Variants in LDB2 observed in about 807,000 individuals in gnomAD.
The protein encoded by LDB2 is LIM domain-binding protein 2.
LDB2 carries 12 observed loss-of-function variants against 44.3 expected under a neutral mutation model. That is an observed-to-expected ratio of 0.27 (90% CI 0.17 to 0.44). The LOEUF is 0.44. Among genes scored for constraint, LDB2 ranks in the 20% least tolerant of loss-of-function variants. The pLI is 1.00. For missense variants in LDB2, 344 were observed against 473.5 expected (o/e 0.73, Z 2.54); for synonymous variants, 164 against 174.8 (o/e 0.94, Z 0.49).
intron 1 of LDB2, among the ~76,000 whole-genome samples, chr4:16,776,448 CT>C (rs1771923991): frequency 6.6e-6 from 1 of 152,212 alleles, no homozygotes; most frequent in African/African-American, 2.4e-5. Flanking sequence ...TAAATTCCAT[CT>C]CTTCCAAAGT....
chr4:16,586,512 AC>A (rs1272251487), intron 4 of LDB2, among the ~76,000 whole-genome samples: 15 of 82,410 alleles, frequency 1.8e-4, no homozygotes, highest in South Asian at 4.2e-4. Flanking sequence ...ACACACACAC[AC>A]ACACACACAC....
intron 2 of LDB2, among the ~76,000 whole-genome samples, chr4:16,622,473 T>G (rs1383525859): frequency 6.6e-6 from 1 of 152,182 alleles, no homozygotes; most frequent in Non-Finnish European, 1.5e-5. Flanking sequence ...ATCCAAGGTC[T>G]CTTGAGACTT....
At chr4:16,886,571 C>G (rs56035135) in intron 1 of LDB2, among the ~76,000 whole-genome samples, 2 of 152,202 alleles carry the variant, frequency 1.3e-5, no homozygotes, top group Admixed American at 6.5e-5. Flanking sequence ...TTGTATTTCA[C>G]AAATACTCTA....
intron 2 of LDB2, among the ~76,000 whole-genome samples, chr4:16,644,913 G>T (rs2152515795): frequency 6.6e-6 from 1 of 152,228 alleles, no homozygotes; most frequent in East Asian, 1.9e-4. Flanking sequence ...TCCTCATCCT[G>T]TTACTATTCT....
At chr4:16,692,927 C>G (rs1301051046) in intron 2 of LDB2, among the ~76,000 whole-genome samples, 1 of 152,210 alleles carries the variant, frequency 6.6e-6, no homozygotes, top group African/African-American at 2.4e-5. Context: ...TGTGCATTAA[C>G]TCCTAGTTTC....
intron 1 of LDB2, among the ~76,000 whole-genome samples, chr4:16,880,162 T>C (rs550654336): frequency 4.9e-4 from 74 of 152,192 alleles, no homozygotes; most frequent in Non-Finnish European, 9.7e-4. Flanking sequence ...TTATGCACTG[T>C]ATCTTAATGA....
At chr4:16,668,312 C>T (rs1743851184) in intron 2 of LDB2, among the ~76,000 whole-genome samples, 1 of 152,164 alleles carries the variant, frequency 6.6e-6, no homozygotes, top group African/African-American at 2.4e-5. Context: ...TTGCCTGTTC[C>T]CCTCCTGGTT....
At chr4:16,874,664 C>T (rs1717835742) in intron 1 of LDB2, among the ~76,000 whole-genome samples, 1 of 152,208 alleles carries the variant, frequency 6.6e-6, no homozygotes, top group Non-Finnish European at 1.5e-5. Flanking sequence ...GCAAAGCCTG[C>T]TCAGAGACCT....
chr4:16,523,053 G>C (rs191854686), intron 5 of LDB2, among the ~76,000 whole-genome samples: 33 of 152,336 alleles, frequency 2.2e-4, no homozygotes, highest in South Asian at 8.3e-4. Context: ...GACATTGACT[G>C]TCTATTGTCT....
At chr4:16,522,948 T>C (rs1726806475) in intron 5 of LDB2, among the ~76,000 whole-genome samples, 1 of 152,176 alleles carries the variant, frequency 6.6e-6, no homozygotes, top group African/African-American at 2.4e-5. Flanking sequence ...TTATGGTAAG[T>C]TTTAAAGATT....
chr4:16,642,416 T>C (rs982479783), intron 2 of LDB2, among the ~76,000 whole-genome samples: 3 of 151,972 alleles, frequency 2.0e-5, no homozygotes, highest in Admixed American at 6.6e-5. Context: ...GAAATACCCA[T>C]AAAAACTTCA....
intron 1 of LDB2, among the ~76,000 whole-genome samples, chr4:16,774,279 A>G (rs1180775896): frequency 2.0e-5 from 3 of 151,632 alleles, no homozygotes; most frequent in Admixed American, 2.0e-4. Context: ...TCCTGCCTTG[A>G]TCCTAACGCC....
intron 2 of LDB2, among the ~76,000 whole-genome samples, chr4:16,752,623 G>A (rs1765704276): frequency 6.6e-6 from 1 of 152,132 alleles, no homozygotes; most frequent in African/African-American, 2.4e-5. Flanking sequence ...ATTAATTCAT[G>A]CAGTAAATAT....
chr4:16,539,330 A>G (rs1732955655), intron 5 of LDB2, among the ~76,000 whole-genome samples: 1 of 152,202 alleles, frequency 6.6e-6, no homozygotes, highest in Non-Finnish European at 1.5e-5. Context: ...AAGATCAGGC[A>G]TGTTTGGGAA....
At chr4:16,655,348 T>C (rs1224994835) in intron 2 of LDB2, among the ~76,000 whole-genome samples, 2 of 152,158 alleles carry the variant, frequency 1.3e-5, no homozygotes, top group Non-Finnish European at 2.9e-5. Flanking sequence ...GGCACGCTGA[T>C]GGCAGGTCTG....
At chr4:16,610,688 A>G (rs1321963387) in intron 2 of LDB2, among the ~76,000 whole-genome samples, 1 of 152,166 alleles carries the variant, frequency 6.6e-6, no homozygotes, top group Non-Finnish European at 1.5e-5. Flanking sequence ...AGGAATGAAC[A>G]AAGCCTCCAA....
chr4:16,806,167 A>G (rs1452365580), intron 1 of LDB2, among the ~76,000 whole-genome samples: 2 of 152,218 alleles, frequency 1.3e-5, no homozygotes, highest in Admixed American at 6.5e-5. Context: ...ACTGATGGCC[A>G]TGACTTGAAC....
chr4:16,618,214 A>G lies in LDB2; in HGVS notation c.236-22339T>C, dbSNP rs1268671028. On this transcript the variant is annotated intron_variant, in intron 2 of 7. Coordinates refer to ENST00000304523, the MANE Select transcript of LDB2 (RefSeq NM_001290.5). The stretch of plus-strand genomic sequence containing the variant: ...ACGATTCCCAGGCCTCACCCCCAGC[A>G]GCTTCCATTTTCACTGGACCGGGAT... Among the ~76,000 whole-genome samples the G allele has an allele frequency of 2.0e-5, 3 of 152,288 alleles. No individual in the cohort carries two copies. In the East Asian group the frequency reaches 5.8e-4, roughly 29 times the overall value.
chr4:16,687,938 A>C (rs1387411737), intron 2 of LDB2, among the ~76,000 whole-genome samples: 2 of 152,200 alleles, frequency 1.3e-5, no homozygotes, highest in Admixed American at 6.5e-5. Context: ...CATTGCCTAC[A>C]GTGATTCAGA....
Sources: allele counts gnomAD v4.1 joint callset (sites outside exome capture counted in the v4.1 genomes callset), GRCh38; gene constraint gnomAD v4.1.1; transcripts MANE v1.5; gene names NCBI Gene and HGNC (gene_info 2026-07-23, HGNC 2026-07-21).